The following CHMP7 variants were observed in gnomAD, a reference collection of about 807,000 sequenced individuals.
CHMP7 encodes charged multivesicular body protein 7.
CHMP7 carries 15 observed loss-of-function variants against 53.7 expected under a neutral mutation model. The ratio of observed to expected loss-of-function variants is 0.28; its 90% confidence interval spans 0.19 to 0.43. The LOEUF (loss-of-function observed/expected upper bound fraction) is 0.43, where lower values mean the gene tolerates loss of function less well. Among genes scored for constraint, CHMP7 ranks in the 20% least tolerant of loss-of-function variants. The pLI is 1.00. For missense variants in CHMP7, 527 were observed against 569.4 expected, an observed-to-expected ratio of 0.93 and a Z score of 0.76; for synonymous variants, 261 against 228.0, an observed-to-expected ratio of 1.14 and a Z score of -1.30.
At chr8:23,250,640 G>A (rs1271273412) in intron 3 of CHMP7, among the ~76,000 whole-genome samples, 2 of 134,786 alleles carry the variant, frequency 1.5e-5, no homozygotes, top group Admixed American at 1.4e-4. Flanking sequence ...GTGTGTGTGT[G>A]TGTGTGTGTG....
chr8:23,258,830 G>GGT lies in CHMP7; in HGVS notation c.1059+1_1059+2dup. 6.3e-7 allele frequency: 1 copy of GGT among 1,593,322 alleles called. No homozygotes were observed. Among genetic ancestry groups the GGT allele is most frequent in the Non-Finnish European group, 8.6e-7 (1 of 1,161,636 alleles). On this transcript the variant is annotated frameshift_variant and splice_region_variant. Transcript: ENST00000397677. LOFTEE classifies it high-confidence loss of function. ...AGAGCCTCGTGGATCAGATCCAAGA[G>GGT]GTACAGAAAGGGGCCAGGGAGGGAC...
At chr8:23,252,660 G>C (rs777478593) in intron 3 of CHMP7, among the ~76,000 whole-genome samples, 1 of 152,106 alleles carries the variant, frequency 6.6e-6, no homozygotes, top group African/African-American at 2.4e-5. Flanking sequence ...AGATCTCTCA[G>C]ACTTTTCTGT....
intron 3 of CHMP7, among the ~76,000 whole-genome samples, chr8:23,252,923 A>AAATCAATGAAACTC (rs1291957134): frequency 7.2e-5 from 11 of 152,348 alleles, no homozygotes; most frequent in African/African-American, 2.4e-4. Flanking sequence ...CTGGTAGGGC[A>AAATCAATGAAACTC]GTCAAATCAA....
At position 23,257,324 on chromosome 8, in the gene CHMP7, C is replaced by T. The variant is rs145834064; in HGVS notation, c.792-709C>T. Among the ~76,000 whole-genome samples the T allele has an allele frequency of 3.3e-5, 5 of 152,072 alleles. No individual in the cohort carries two copies. The East Asian group carries it at 7.7e-4, about 24-fold the overall frequency. On this transcript the variant is annotated intron_variant, in intron 5 of 10. Transcript: ENST00000397677. Reference sequence around the variant, plus strand: ...TTGCCCAGGCTGGTCTCACACTCCTCGGCGCAAACAAGACCCCCACCTCAG... The same window carrying T: ...TTGCCCAGGCTGGTCTCACACTCCTTGGCGCAAACAAGACCCCCACCTCAG...
intron 3 of CHMP7, among the ~76,000 whole-genome samples, chr8:23,251,604 G>C (rs1299141859): frequency 1.3e-5 from 2 of 152,196 alleles, no homozygotes; most frequent in South Asian, 2.1e-4. Context: ...CACACGCACA[G>C]ACACGTGTAC....
Position 23,246,985 on chromosome 8 carries a change from A to G in CHMP7, c.290A>G (p.Asp97Gly). ...CTGGGGCTGGCCACGGTGCTGCAGGACCTGCTGCGGTGAGGGGCGGGCTGG... is the reference window on the plus strand; with the variant it reads ...CTGGGGCTGGCCACGGTGCTGCAGGGCCTGCTGCGGTGAGGGGCGGGCTGG... ...VPLGLATVLQDLLRRGELQRE... is the reference protein window; with the variant it reads ...VPLGLATVLQGLLRRGELQRE... Residue 97 changes from aspartate to glycine, a missense_variant, in exon 2 of 11, where the codon GAC becomes GGC. Physicochemically the swap from Asp to Gly is moderately conservative, Grantham distance 94. Transcript: ENST00000397677. 6.5e-7 allele frequency: 1 copy of G among 1,530,896 alleles called. No individual in the cohort carries two copies. The highest frequency in any genetic ancestry group is 8.8e-7 in the Non-Finnish European group (1 of 1,142,590). 94.8% of individuals were successfully genotyped at this position (1,530,896 alleles called of 1,614,324 possible).
chr8:23,258,993 A>G, intron 8 of CHMP7, 73 bp from the exon 9 acceptor site: 4 of 1,134,390 alleles, frequency 3.5e-6, no homozygotes, highest in Admixed American at 1.7e-5. Flanking sequence ...GTAACCCTAG[A>G]TATTTTCCAC....
chr8:23,258,929 C>T, intron 8 of CHMP7, 99 bp downstream of exon 8: 1 of 1,060,804 alleles, frequency 9.4e-7, no homozygotes, highest in Non-Finnish European at 1.5e-6. Flanking sequence ...TGACTTGTGA[C>T]CTTGTGAACT....
chr8:23,245,390 T>C (rs1801649744), intron 1 of CHMP7, among the ~76,000 whole-genome samples: 1 of 152,240 alleles, frequency 6.6e-6, no homozygotes, highest in South Asian at 2.1e-4. Context: ...AATATGATCA[T>C]ATGATTTTTC....
chr8:23,246,639 G>A lies in CHMP7; in HGVS notation c.-57G>A. 4.2e-6 allele frequency: 6 copies of A among 1,445,354 alleles called. No individual in the cohort carries two copies. The highest frequency in any genetic ancestry group is 5.6e-6 in the Non-Finnish European group (6 of 1,070,742). 89.5% of individuals were successfully genotyped at this position (1,445,354 alleles called of 1,614,324 possible). ...GAACGGAAGCCGGGAGGGAACGAGG[G>A]CGGAAGCGGACCAGGGCCAGGCTTG... On this transcript the variant is annotated 5_prime_UTR_variant, in exon 2 of 11. Coordinates refer to ENST00000397677, the MANE Select transcript of CHMP7 (RefSeq NM_152272.5).
chr8:23,258,978 G>A (rs1384782897), intron 8 of CHMP7, 88 bp from the exon 9 acceptor site: 12 of 1,077,484 alleles, frequency 1.1e-5, no homozygotes, highest in Non-Finnish European at 1.7e-5. Context: ...GGGCAGGATT[G>A]CTTTGTAACC....
At chr8:23,249,135 T>G in intron 2 of CHMP7, 75 bp from the exon 3 acceptor site, 3 of 1,291,738 alleles carry the variant, frequency 2.3e-6, no homozygotes, top group South Asian at 1.6e-5. Flanking sequence ...TCTTTTAGGG[T>G]AAAGGGGGAG....
intron 7 of CHMP7, 127 bp from the exon 8 acceptor site, chr8:23,258,605 G>T (rs1802234083): frequency 8.2e-7 from 1 of 1,221,124 alleles, no homozygotes. Flanking sequence ...GCCTCGGTGG[G>T]TATAGGGTAA....
At position 23,249,199 on chromosome 8, in the gene CHMP7, C is replaced by A. The variant is rs369469448; in HGVS notation, c.300-11C>A. 9.0e-6 allele frequency: 14 copies of A among 1,559,850 alleles called. No homozygotes were observed. The highest frequency in any genetic ancestry group is 2.8e-5 in the African/African-American group (2 of 72,668). ...AGTGCTACTACACGCCCTTCTTTTT[C>A]TTCCCTGCAGTCGAGGGGAGCTGCA... is the stretch of plus-strand genomic sequence containing the variant. On this transcript the variant is annotated splice_polypyrimidine_tract_variant and intron_variant, in intron 2 of 10. Transcript: ENST00000397677.
At chr8:23,248,706 T>TA (rs1801803668) in intron 2 of CHMP7, among the ~76,000 whole-genome samples, 1 of 152,248 alleles carries the variant, frequency 6.6e-6, no homozygotes, top group African/African-American at 2.4e-5. Flanking sequence ...CTGTTACTGT[T>TA]ACCAGCACCA....
Position 23,249,499 on chromosome 8 carries a change from A to G in CHMP7, c.471+118A>G, listed in dbSNP as rs1318676128. On this transcript the variant is annotated intron_variant, in intron 3 of 10. Coordinates refer to ENST00000397677, the MANE Select transcript of CHMP7 (RefSeq NM_152272.5). Reference sequence around the variant, plus strand: ...CTTTTTTTACATGGCTACTGAGTTGATAACTGAGTTTATCTGCTCTCCCTT... The same window carrying G: ...CTTTTTTTACATGGCTACTGAGTTGGTAACTGAGTTTATCTGCTCTCCCTT... The G allele has an allele frequency of 9.5e-6, 7 of 734,938 alleles. No individual in the cohort carries two copies. The Admixed American group carries it at 1.4e-4, about 14-fold the overall frequency. The allele number at this position is 734,938 out of a possible 1,614,324, so 45.5% of individuals were successfully genotyped here.
Position 23,255,449 on chromosome 8 carries a change from G to A in CHMP7, c.657+17G>A, listed in dbSNP as rs1287635082. 2 of 1,611,466 alleles carry A rather than the reference G, an allele frequency of 1.2e-6. No homozygotes were observed. The highest frequency in any genetic ancestry group is 3.3e-5 in the Admixed American group (2 of 60,020). ...GGGGAGAAGGTATGGAGGCTCATCTGTTCATTCACTGACTCAGCAGTGATT... is the reference window on the plus strand; with the variant it reads ...GGGGAGAAGGTATGGAGGCTCATCTATTCATTCACTGACTCAGCAGTGATT... On this transcript the variant is annotated intron_variant, in intron 4 of 10. Transcript: ENST00000397677.
chr8:23,250,024 G>A (rs146079261), intron 3 of CHMP7, among the ~76,000 whole-genome samples: 15 of 152,250 alleles, frequency 9.9e-5, no homozygotes, highest in Admixed American at 2.6e-4. Context: ...CGTAGCCCTC[G>A]ATCAGCCACA....
chr8:23,244,572 T>A (rs11135710), intron 1 of CHMP7, among the ~76,000 whole-genome samples: 110,462 of 152,074 alleles, frequency 0.73, 42,612 homozygotes, highest in South Asian at 0.93. Flanking sequence ...GAAGTTGGGT[T>A]GTATCCGTCC....
Sources: allele counts gnomAD v4.1 joint callset (sites outside exome capture counted in the v4.1 genomes callset), GRCh38; gene constraint gnomAD v4.1.1; transcripts MANE v1.5; gene names NCBI Gene and HGNC (gene_info 2026-07-23, HGNC 2026-07-21).